The following TNRC6A variants were observed in gnomAD, a reference collection of about 807,000 sequenced individuals.
TNRC6A encodes the protein trinucleotide repeat containing adaptor 6A, also known as trinucleotide repeat-containing gene 6A protein.
In TNRC6A, 44 loss-of-function variants were observed where a neutral mutation model predicts 221.2. The observed-to-expected ratio is 0.20, with a 90% CI of 0.16 to 0.26. TNRC6A has a LOEUF of 0.26. TNRC6A is among the 10% of genes least tolerant of loss of function. The pLI is 1.00. For missense variants in TNRC6A, 2,199 were observed against 2,404.4 expected, an observed-to-expected ratio of 0.91 and a Z score of 1.79; for synonymous variants, 847 against 838.5, an observed-to-expected ratio of 1.01 and a Z score of -0.18.
chr16:24,775,328 A>C (rs2057696619), intron 4 of TNRC6A, among the ~76,000 whole-genome samples: 2 of 152,222 alleles, frequency 1.3e-5, no homozygotes, highest in Non-Finnish European at 2.9e-5. Flanking sequence ...GAATATTTGT[A>C]ATTATTCACT....
chr16:24,760,728 A>C (rs1049672320), intron 4 of TNRC6A, among the ~76,000 whole-genome samples: 1 of 149,914 alleles, frequency 6.7e-6, no homozygotes, highest in African/African-American at 2.5e-5. Flanking sequence ...GGTGTTTACT[A>C]AACTTTGTAT....
chr16:24,653,329 G>A (rs980240860), intron 2 of TNRC6A, among the ~76,000 whole-genome samples: 3 of 152,080 alleles, frequency 2.0e-5, no homozygotes, highest in Admixed American at 2.0e-4. Flanking sequence ...AAAGCCCTTC[G>A]GAATCGATTT....
At chr16:24,804,542 T>G in intron 12 of TNRC6A, 163 bp from the exon 13 acceptor site, 2 of 1,219,412 alleles carry the variant, frequency 1.6e-6, no homozygotes, top group Non-Finnish European at 2.3e-6. Context: ...TTTGGCTCTT[T>G]TTGTGTGCTC....
chr16:24,697,707 C>T (rs935553643), intron 2 of TNRC6A, among the ~76,000 whole-genome samples: 2 of 151,148 alleles, frequency 1.3e-5, no homozygotes, highest in Non-Finnish European at 3.0e-5. Flanking sequence ...AAATATGGTC[C>T]GTAAACCTTC....
At chr16:24,650,673 A>G (rs1003394183) in intron 2 of TNRC6A, among the ~76,000 whole-genome samples, 25 of 151,644 alleles carry the variant, frequency 1.6e-4, no homozygotes, top group Admixed American at 3.9e-4. Context: ...TCAAAAAAAA[A>G]AAAAGAAAGA....
At chr16:24,757,606 T>G (rs960961573) in intron 3 of TNRC6A, among the ~76,000 whole-genome samples, 1 of 152,188 alleles carries the variant, frequency 6.6e-6, no homozygotes, top group African/African-American at 2.4e-5. Flanking sequence ...TTTGAGCTAG[T>G]CACCTCGAGT....
chr16:24,792,613 C>CT (rs34670934), intron 6 of TNRC6A, among the ~76,000 whole-genome samples: 983 of 56,392 alleles, frequency 0.017, 56 homozygotes, highest in African/African-American at 0.051. Flanking sequence ...ACATTTATGG[C>CT]TTTTTTTTTT....
At chr16:24,713,931 G>A (rs114088336) in intron 2 of TNRC6A, among the ~76,000 whole-genome samples, 27,346 of 152,002 alleles carry the variant, frequency 0.18, 2,921 homozygotes, top group South Asian at 0.26. Context: ...CAGGCGTGAG[G>A]CAGCGCACTT....
Position 24,673,124 on chromosome 16 carries a change from G to A in TNRC6A, n.402+32115G>A, listed in dbSNP as rs1045957888. Among the ~76,000 whole-genome samples, 3 of 152,194 alleles carry A rather than the reference G, an allele frequency of 2.0e-5. No homozygotes were observed. The East Asian group carries it at 5.8e-4, about 29-fold the overall frequency. ...GGAGGCAGATGTGGAAGAATTGCTCGAGGCCAGGAGTTTGAGACCAGCCTG... is the reference window on the plus strand; with the variant it reads ...GGAGGCAGATGTGGAAGAATTGCTCAAGGCCAGGAGTTTGAGACCAGCCTG... On this transcript the variant is annotated intron_variant and non_coding_transcript_variant, in intron 2 of 2. Coordinates refer to the TNRC6A transcript ENST00000566108.
chr16:24,788,540 T>C (rs2058022675), intron 5 of TNRC6A, among the ~76,000 whole-genome samples: 1 of 152,252 alleles, frequency 6.6e-6, no homozygotes, highest in African/African-American at 2.4e-5. Flanking sequence ...TATCAAATTT[T>C]GGCTATTCAC....
chr16:24,728,434 G>A (rs1022360073), upstream of TNRC6A, among the ~76,000 whole-genome samples: 44 of 151,508 alleles, frequency 2.9e-4, no homozygotes, highest in African/African-American at 9.9e-4. Context: ...GAGACAGAGC[G>A]AGACTCCGCC....
chr16:24,692,463 A>G (rs1255848294), intron 2 of TNRC6A, among the ~76,000 whole-genome samples: 2 of 152,014 alleles, frequency 1.3e-5, no homozygotes. Flanking sequence ...CCAGCTACTC[A>G]GGAGGCTGAG....
chr16:24,806,052 G>A (rs2058425130), intron 15 of TNRC6A, among the ~76,000 whole-genome samples, 154 bp from the exon 16 acceptor site: 1 of 152,178 alleles, frequency 6.6e-6, no homozygotes, highest in African/African-American at 2.4e-5. Flanking sequence ...AGAAACCAGA[G>A]AGTCCAAGGA....
intron 2 of TNRC6A, among the ~76,000 whole-genome samples, chr16:24,648,274 C>CTTTTTTTTTTTTT (rs71156430): frequency 0.33 from 31,640 of 95,240 alleles, 8,641 homozygotes; most frequent in Non-Finnish European, 0.39. Flanking sequence ...TCCACAGCAA[C>CTTTTTTTTTTTTT]TTTTTTTTTT....
At chr16:24,650,615 A>G (rs1240868544) in intron 2 of TNRC6A, among the ~76,000 whole-genome samples, 3 of 151,990 alleles carry the variant, frequency 2.0e-5, no homozygotes, top group Non-Finnish European at 4.4e-5. Flanking sequence ...CAGTGAGCCA[A>G]GATTATGCCA....
chr16:24,666,639 G>GA (rs1164353374), intron 2 of TNRC6A, among the ~76,000 whole-genome samples: 403 of 31,504 alleles, frequency 0.013, 39 homozygotes, highest in East Asian at 0.021. Context: ...CTGTCTTAGA[G>GA]AAAAAAAAAA....
intron 2 of TNRC6A, among the ~76,000 whole-genome samples, chr16:24,642,275 A>G (rs926451668): frequency 1.3e-5 from 2 of 152,192 alleles, no homozygotes; most frequent in Admixed American, 6.5e-5. Flanking sequence ...AAGGTTATCC[A>G]AAGTGGTGGT....
At chr16:24,684,949 T>C (rs546069237) in intron 2 of TNRC6A, among the ~76,000 whole-genome samples, 4 of 152,210 alleles carry the variant, frequency 2.6e-5, no homozygotes, top group Non-Finnish European at 2.9e-5. Flanking sequence ...GAAGCCCTTT[T>C]AGAGATAAAA....
At chr16:24,726,163 G>C (rs944773886), upstream of TNRC6A, among the ~76,000 whole-genome samples, 5 of 152,090 alleles carry the variant, frequency 3.3e-5, no homozygotes, top group African/African-American at 1.2e-4. Flanking sequence ...GGGGTACACA[G>C]GTGAGACAAC....
Sources: gnomAD v4.1 joint callset for allele counts (sites outside exome capture counted in the v4.1 genomes callset) on GRCh38, gnomAD v4.1.1 for gene constraint, MANE v1.5 for transcripts, NCBI Gene and HGNC (gene_info 2026-07-23, HGNC 2026-07-21) for gene names.